JAKMIP2: variants seen among roughly 807,000 people sequenced by gnomAD.
JAKMIP2 encodes janus kinase and microtubule interacting protein 2.
JAKMIP2 carries 25 observed loss-of-function variants against 115.0 expected under a neutral mutation model. The observed-to-expected ratio is 0.22, with a 90% CI of 0.16 to 0.30. JAKMIP2 has a LOEUF of 0.30. Among genes scored for constraint, JAKMIP2 ranks in the 10% least tolerant of loss-of-function variants. The pLI, the probability that JAKMIP2 is intolerant of heterozygous loss-of-function variation, is 1.00. For missense variants in JAKMIP2, 642 were observed against 957.6 expected, an observed-to-expected ratio of 0.67 and a Z score of 4.35; for synonymous variants, 334 against 343.6, an observed-to-expected ratio of 0.97 and a Z score of 0.31.
At chr5:147,644,780 G>A (rs1239513020) in intron 6 of JAKMIP2, 70 bp downstream of exon 6, 1 of 1,305,842 alleles carries the variant, frequency 7.7e-7, no homozygotes, top group African/African-American at 1.5e-5. Context: ...GCTGAGAAAT[G>A]GCAATAAGTC....
At chr5:147,678,216 C>A (rs376366668) in intron 1 of JAKMIP2, among the ~76,000 whole-genome samples, 1 of 152,270 alleles carries the variant, frequency 6.6e-6, no homozygotes, top group East Asian at 1.9e-4. Flanking sequence ...GTTGTTCAGG[C>A]TGGTCTCGAA....
chr5:147,647,741 T>C (rs1035405066), intron 5 of JAKMIP2, among the ~76,000 whole-genome samples: 2 of 152,208 alleles, frequency 1.3e-5, no homozygotes. Flanking sequence ...CAACTCACTG[T>C]TTGGTAATAA....
At chr5:147,734,212 C>T (rs1753835159) in intron 1 of JAKMIP2, among the ~76,000 whole-genome samples, 1 of 152,082 alleles carries the variant, frequency 6.6e-6, no homozygotes, top group African/African-American at 2.4e-5. Context: ...GAGATACCAT[C>T]GCATGTCAGT....
At chr5:147,617,764 G>A in intron 19 of JAKMIP2, 147 bp downstream of exon 19, 1 of 641,892 alleles carries the variant, frequency 1.6e-6, no homozygotes, top group Non-Finnish European at 2.7e-6. Flanking sequence ...GTGCATGAAG[G>A]TAGAAAACAA....
intron 21 of JAKMIP2, among the ~76,000 whole-genome samples, chr5:147,597,187 G>A (rs1037972079): frequency 5.3e-5 from 8 of 151,926 alleles, no homozygotes; most frequent in African/African-American, 1.4e-4. Flanking sequence ...CTGGCCGATC[G>A]TACTAATACT....
In JAKMIP2 at chr5:147,667,964, G is replaced by A. The variant is rs547998300; in HGVS notation, c.129+3714C>T. Among the ~76,000 whole-genome samples, 31 of 152,186 alleles carry A rather than the reference G, an allele frequency of 2.0e-4. No individual in the cohort carries two copies. In the South Asian group the frequency reaches 6.0e-3, roughly 30 times the overall value. Reference sequence around the variant, plus strand: ...TACAGAAGACAGGAATTCCCATCGCGGCTCCTCCACCAGCTGTGTCTCTTG... The same window carrying A: ...TACAGAAGACAGGAATTCCCATCGCAGCTCCTCCACCAGCTGTGTCTCTTG... On this transcript the variant is annotated intron_variant, in intron 2 of 21. Coordinates refer to ENST00000616793, the MANE Select transcript of JAKMIP2 (RefSeq NM_001270941.2).
chr5:147,675,473 CT>C (rs201097949), intron 1 of JAKMIP2, among the ~76,000 whole-genome samples: 6,421 of 145,316 alleles, frequency 0.044, 200 homozygotes, highest in East Asian at 0.11. Context: ...CCTTGTGCTG[CT>C]TTTTTTTTTT....
At chr5:147,707,895 G>C (rs1752640756) in intron 1 of JAKMIP2, among the ~76,000 whole-genome samples, 1 of 152,160 alleles carries the variant, frequency 6.6e-6, no homozygotes, top group Non-Finnish European at 1.5e-5. Flanking sequence ...TAAGTGTTTT[G>C]AGGCAGGCTA....
intron 1 of JAKMIP2, among the ~76,000 whole-genome samples, chr5:147,700,816 A>C (rs1429243106): frequency 6.6e-6 from 1 of 152,198 alleles, no homozygotes; most frequent in Non-Finnish European, 1.5e-5. Context: ...TGTAGCTCTC[A>C]GATGCCTTTA....
chr5:147,638,676 A>G (rs1757737583), intron 10 of JAKMIP2, among the ~76,000 whole-genome samples: 1 of 152,090 alleles, frequency 6.6e-6, no homozygotes, highest in East Asian at 1.9e-4. Context: ...GAAAGAAAGT[A>G]GGATGAAATC....
At chr5:147,743,393 C>T (rs1253043967) in intron 1 of JAKMIP2, among the ~76,000 whole-genome samples, 1 of 152,178 alleles carries the variant, frequency 6.6e-6, no homozygotes, top group East Asian at 1.9e-4. Flanking sequence ...GAGGAGAAAT[C>T]TTTTAATTAG....
chr5:147,766,008 C>G (rs59107621), intron 1 of JAKMIP2, among the ~76,000 whole-genome samples: 2,645 of 152,166 alleles, frequency 0.017, 92 homozygotes, highest in African/African-American at 0.061. Flanking sequence ...CAGTTTTATA[C>G]TTTGTAGCTA....
chr5:147,637,437 A>ATTTTTTGTTTTTTTTTTTTTTTTTTTT (rs1757672830), intron 10 of JAKMIP2, among the ~76,000 whole-genome samples: 1 of 79,340 alleles, frequency 1.3e-5, no homozygotes, highest in African/African-American at 4.3e-5. Context: ...AATTCTTTTG[A>ATTTTTTGTTTTTTTTTTTTTTTTTTTT]TTTTTTTTTT....
intron 1 of JAKMIP2, among the ~76,000 whole-genome samples, chr5:147,719,455 G>T (rs1360387460): frequency 9.5e-5 from 14 of 147,048 alleles, no homozygotes; most frequent in Non-Finnish European, 1.5e-4. Context: ...GGGTGTTAAA[G>T]TCTCCCATTA....
intron 1 of JAKMIP2, among the ~76,000 whole-genome samples, chr5:147,731,188 G>A (rs922569439): frequency 6.6e-6 from 1 of 152,148 alleles, no homozygotes; most frequent in African/African-American, 2.4e-5. Flanking sequence ...AGATTTCAAT[G>A]AGACCACGAC....
intron 2 of JAKMIP2, among the ~76,000 whole-genome samples, chr5:147,669,948 G>A (rs768724712): frequency 6.6e-6 from 1 of 152,154 alleles, no homozygotes; most frequent in Non-Finnish European, 1.5e-5. Context: ...AGTGATGCTT[G>A]ACAAGCACAA....
intron 1 of JAKMIP2, among the ~76,000 whole-genome samples, chr5:147,683,980 A>G (rs1251659909): frequency 1.3e-5 from 2 of 152,214 alleles, no homozygotes; most frequent in Non-Finnish European, 2.9e-5. Flanking sequence ...TATGGTATCT[A>G]TAATATAGGA....
rs369073495 is a variant in JAKMIP2 at position 147,751,135 on chromosome 5, G to A, written c.-149+31321C>T. 6.6e-5 allele frequency among the ~76,000 whole-genome samples: 10 copies of A among 151,180 alleles called. No homozygotes were observed. The East Asian group carries it at 2.0e-3, about 30-fold the overall frequency. ...CGCCCAGGCTGGAGTGCAGTGGCAT[G>A]ATCTCCACTCACTACAAGCTCCGCC... On this transcript the variant is annotated intron_variant, in intron 1 of 21. Transcript: ENST00000616793.
At position 147,618,227 on chromosome 5, in the gene JAKMIP2, T is replaced by A. The variant is rs1042159527; in HGVS notation, c.2143-113A>T. The A allele has an allele frequency of 1.1e-4, 83 of 752,920 alleles. 1 individual carries two copies. Among genetic ancestry groups the A allele is most frequent in the Non-Finnish European group, 2.9e-5 (13 of 442,550 alleles). 46.6% of individuals were successfully genotyped at this position (752,920 alleles called of 1,614,324 possible). On this transcript the variant is annotated intron_variant, in intron 18 of 21. Transcript: ENST00000616793. The stretch of plus-strand genomic sequence containing the variant: ...GGCTGCCAACTTTAGGCTTATAGGA[T>A]CTTAGCAAGAAAATAATTTTAAAAC...
Sources: gnomAD v4.1 joint callset for allele counts (sites outside exome capture counted in the v4.1 genomes callset) on GRCh38, gnomAD v4.1.1 for gene constraint, MANE v1.5 for transcripts, NCBI Gene and HGNC (gene_info 2026-07-23, HGNC 2026-07-21) for gene names.